The following RARB variants were observed in gnomAD, a reference collection of about 807,000 sequenced individuals.
RARB encodes the protein HBV-activated protein.
In RARB, 17 loss-of-function variants were observed where a neutral mutation model predicts 51.9. The observed-to-expected ratio is 0.33, with a 90% CI of 0.22 to 0.49. The LOEUF (loss-of-function observed/expected upper bound fraction) is 0.49. Ranked by LOEUF, RARB falls within the 20% of genes least tolerant of loss-of-function variation. The probability of loss-of-function intolerance (pLI) is 0.99; values close to 1 mark genes in which losing one functional copy is unlikely to be tolerated. For missense variants in RARB, 369 were observed against 550.8 expected, an observed-to-expected ratio of 0.67 and a Z score of 3.30; for synonymous variants, 215 against 195.4, an observed-to-expected ratio of 1.10 and a Z score of -0.84.
intron 2 of RARB, among the ~76,000 whole-genome samples, chr3:24,881,288 A>G (rs1242400019): frequency 6.6e-6 from 1 of 151,710 alleles, no homozygotes; most frequent in East Asian, 2.0e-4. Flanking sequence ...TCTTTATAGC[A>G]GTGTCAGAAC....
At chr3:25,050,629 C>A (rs751814350) in intron 2 of RARB, among the ~76,000 whole-genome samples, 83 of 152,266 alleles carry the variant, frequency 5.5e-4, no homozygotes, top group Admixed American at 1.6e-3. Context: ...TCTTGTATTT[C>A]ATTCCAATAT....
intron 2 of RARB, among the ~76,000 whole-genome samples, chr3:24,921,894 A>G (rs191875766): frequency 4.6e-5 from 7 of 152,294 alleles, no homozygotes; most frequent in African/African-American, 1.7e-4. Context: ...GGTTTAAGCA[A>G]TTCATGAATT....
At chr3:25,492,001 A>G (rs1696765536) in intron 2 of RARB, among the ~76,000 whole-genome samples, 1 of 152,244 alleles carries the variant, frequency 6.6e-6, no homozygotes, top group Non-Finnish European at 1.5e-5. Flanking sequence ...CAGAGCAGTA[A>G]ACTAAGCTCT....
chr3:24,997,656 A>G (rs939311968), intron 2 of RARB, among the ~76,000 whole-genome samples: 2 of 152,146 alleles, frequency 1.3e-5, no homozygotes, highest in African/African-American at 4.8e-5. Flanking sequence ...AAGTGCTAGT[A>G]TTACAGGCGT....
chr3:25,232,957 T>C (rs1702214445), intron 5 of RARB, among the ~76,000 whole-genome samples: 1 of 151,068 alleles, frequency 6.6e-6, no homozygotes, highest in South Asian at 2.1e-4. Context: ...GTGTATTAAA[T>C]GCCTTTTTTC....
In RARB at chr3:25,264,065, G is replaced by A. The variant is rs1181712686; in HGVS notation, c.178+89490G>A. ...TGCTCATATCAGCAGTTCAATTAGT[G>A]GCAGGGTAAACTAATAATATATATT... On this transcript the variant is annotated intron_variant, in intron 5 of 11. Coordinates refer to the RARB transcript ENST00000383772. Among the ~76,000 whole-genome samples, 4 of 151,646 alleles carry A rather than the reference G, an allele frequency of 2.6e-5. 1 individual carries two copies. In the East Asian group the frequency reaches 7.8e-4, roughly 29 times the overall value.
intron 2 of RARB, among the ~76,000 whole-genome samples, chr3:24,878,595 G>T (rs1703096260): frequency 6.6e-6 from 1 of 152,102 alleles, no homozygotes. Context: ...AGGGGCTATT[G>T]TGTGCATTGT....
At chr3:25,208,906 C>T (rs186034086) in intron 5 of RARB, among the ~76,000 whole-genome samples, 13 of 152,212 alleles carry the variant, frequency 8.5e-5, no homozygotes, top group Admixed American at 2.6e-4. Flanking sequence ...TTTCCTCTTA[C>T]GAAGGAACTC....
chr3:25,459,615 A>T (rs1671573714), intron 1 of RARB, among the ~76,000 whole-genome samples: 1 of 152,170 alleles, frequency 6.6e-6, no homozygotes, highest in South Asian at 2.1e-4. Flanking sequence ...AGCAGTTGTG[A>T]GAGGCGATGG....
At position 24,855,744 on chromosome 3, in the gene RARB, A is replaced by ATTTTTT. The variant is rs34706427; in HGVS notation, c.-458-2914_-458-2909dup. On this transcript the variant is annotated intron_variant, in intron 1 of 11. Transcript: ENST00000383772. ...TTCCAGATGGAAACTGGAAATCTGC[A>ATTTTTT]TTTTTTTTTTTTTTTTTTTTTGAGA... Among the ~76,000 whole-genome samples the ATTTTTT allele has an allele frequency of 8.2e-4, 90 of 110,176 alleles. 2 individuals carry two copies. Among genetic ancestry groups the ATTTTTT allele is most frequent in the African/African-American group, 2.6e-3 (74 of 28,210 alleles). The allele number at this position is 110,176 out of a possible 152,430, so 72.3% of individuals were successfully genotyped here. A position where few individuals can be genotyped will look rare whatever the true frequency, so the allele number is the denominator to read the frequency against.
intron 2 of RARB, among the ~76,000 whole-genome samples, chr3:25,026,815 C>T (rs1697759468): frequency 6.6e-6 from 1 of 152,188 alleles, no homozygotes; most frequent in Non-Finnish European, 1.5e-5. Context: ...GTTACCCCAA[C>T]ATGACATCAT....
intron 3 of RARB, among the ~76,000 whole-genome samples, chr3:25,074,635 C>G (rs1698834374): frequency 6.6e-6 from 1 of 152,008 alleles, no homozygotes. Context: ...CTCCTTTATA[C>G]AAAAAAATTA....
chr3:24,892,312 AG>A (rs962112906), intron 2 of RARB, among the ~76,000 whole-genome samples: 1 of 151,892 alleles, frequency 6.6e-6, no homozygotes, highest in African/African-American at 2.4e-5. Flanking sequence ...TAGGAGGCTT[AG>A]GGCTATCTGA....
chr3:25,454,181 G>A (rs530178792), intron 1 of RARB, among the ~76,000 whole-genome samples: 9 of 152,290 alleles, frequency 5.9e-5, no homozygotes. Context: ...ACACGCATGC[G>A]CACACGCAAA....
intron 5 of RARB, among the ~76,000 whole-genome samples, chr3:25,249,837 C>T (rs1448401231): frequency 6.6e-6 from 1 of 152,176 alleles, no homozygotes; most frequent in African/African-American, 2.4e-5. Flanking sequence ...CCTGGGGCCC[C>T]AGTGGTAGCA....
intron 3 of RARB, among the ~76,000 whole-genome samples, chr3:25,072,357 T>C (rs907054532): frequency 2.0e-5 from 3 of 152,100 alleles, no homozygotes; most frequent in Non-Finnish European, 4.4e-5. Context: ...CCAGTGCTGT[T>C]TGTTAGTAGA....
chr3:25,529,403 T>C (rs2125641608), intron 3 of RARB, among the ~76,000 whole-genome samples: 1 of 152,266 alleles, frequency 6.6e-6, no homozygotes, highest in South Asian at 2.1e-4. Flanking sequence ...AGGCTTAGGA[T>C]TCATCCTAAC....
At chr3:25,374,651 G>A (rs1053858684) in intron 5 of RARB, among the ~76,000 whole-genome samples, 8 of 152,064 alleles carry the variant, frequency 5.3e-5, no homozygotes, top group African/African-American at 1.7e-4. Context: ...CCAACCAGAA[G>A]CCAGAATAGA....
chr3:25,441,480 T>C (rs1279994483), intron 1 of RARB: 1 of 167,704 alleles, frequency 6.0e-6, no homozygotes, highest in African/African-American at 2.4e-5. Context: ...GGCCAGTTTC[T>C]TCCCGGATGC....
Sources: gnomAD v4.1 joint callset for allele counts (sites outside exome capture counted in the v4.1 genomes callset) on GRCh38, gnomAD v4.1.1 for gene constraint, MANE v1.5 for transcripts, NCBI Gene and HGNC (gene_info 2026-07-23, HGNC 2026-07-21) for gene names.